The following GPC6 variants were observed in gnomAD, a reference collection of about 807,000 sequenced individuals.
GPC6 encodes glypican 6.
GPC6 carries 14 observed loss-of-function variants against 55.2 expected under a neutral mutation model. The observed-to-expected ratio is 0.25, with a 90% CI of 0.17 to 0.40. The LOEUF (loss-of-function observed/expected upper bound fraction) is 0.40. GPC6 is among the 10% of genes least tolerant of loss of function. GPC6 has a pLI of 1.00. For synonymous variants in GPC6, 278 were observed against 259.6 expected (o/e 1.07, Z -0.68); for missense variants, 641 against 708.5 (o/e 0.90, Z 1.08).
intron 2 of GPC6, among the ~76,000 whole-genome samples, chr13:93,748,007 A>G (rs1329757890): frequency 6.6e-6 from 1 of 152,196 alleles, no homozygotes; most frequent in South Asian, 2.1e-4. Context: ...TGTAAAAACA[A>G]AAATGTTTTA....
intron 4 of GPC6, among the ~76,000 whole-genome samples, chr13:94,044,109 T>A (rs1883638128): frequency 6.6e-6 from 1 of 151,776 alleles, no homozygotes; most frequent in Admixed American, 6.6e-5. Flanking sequence ...TTATCCATAC[T>A]AACTTAGGGC....
Position 93,499,816 on chromosome 13 carries a change from C to G in GPC6, c.161-45447C>G, listed in dbSNP as rs117009332. ...TAGATTTGTTGATGTTTGACTGTGACAGCCACGAGTTGCCTTTCTTGTGTT... is the reference window on the plus strand; with the variant it reads ...TAGATTTGTTGATGTTTGACTGTGAGAGCCACGAGTTGCCTTTCTTGTGTT... On this transcript the variant is annotated intron_variant, in intron 1 of 8. Transcript: ENST00000377047. Among the ~76,000 whole-genome samples, 110 of 152,280 alleles carry G rather than the reference C, an allele frequency of 7.2e-4. 1 individual carries two copies. In the East Asian group the frequency reaches 0.02, roughly 28 times the overall value.
intron 2 of GPC6, among the ~76,000 whole-genome samples, chr13:93,641,322 G>T (rs1473905335): frequency 2.6e-5 from 4 of 152,000 alleles, no homozygotes; most frequent in Admixed American, 1.3e-4. Flanking sequence ...ATAGGATTCA[G>T]TTAACCATTG....
rs1170751111 is a variant in GPC6 at position 93,744,176 on chromosome 13, C to T, written c.320-85978C>T. On this transcript the variant is annotated intron_variant, in intron 2 of 8. Transcript: ENST00000377047. Reference sequence around the variant, plus strand: ...TTGATTTTCCTCTCCCGGCGGTTAACATTGTTGACCTTTCCACATGGGAGG... The same window carrying T: ...TTGATTTTCCTCTCCCGGCGGTTAATATTGTTGACCTTTCCACATGGGAGG... 4.6e-5 allele frequency among the ~76,000 whole-genome samples: 7 copies of T among 152,248 alleles called. No individual in the cohort carries two copies. The East Asian group carries it at 1.4e-3, about 29-fold the overall frequency.
chr13:94,385,147 G>A (rs2139210920), intron 7 of GPC6, among the ~76,000 whole-genome samples: 1 of 152,190 alleles, frequency 6.6e-6, no homozygotes, highest in South Asian at 2.1e-4. Context: ...AGCTAAGGCA[G>A]GAGAATCGCT....
chr13:94,032,393 AT>A (rs1883176575), intron 4 of GPC6, among the ~76,000 whole-genome samples: 1 of 152,214 alleles, frequency 6.6e-6, no homozygotes, highest in South Asian at 2.1e-4. Flanking sequence ...TAAGTGTAGA[AT>A]AAAATAGCAA....
chr13:93,409,209 T>G (rs1876403944), intron 1 of GPC6, among the ~76,000 whole-genome samples: 1 of 151,692 alleles, frequency 6.6e-6, no homozygotes, highest in African/African-American at 2.4e-5. Context: ...CGGTATATAG[T>G]TGTCACGTAT....
chr13:94,372,640 G>C (rs1487305033), intron 6 of GPC6, among the ~76,000 whole-genome samples: 1 of 152,138 alleles, frequency 6.6e-6, no homozygotes, highest in African/African-American at 2.4e-5. Context: ...CTGGGGGAGG[G>C]GCGCCCGCCA....
At chr13:93,905,184 A>G (rs1030642217) in intron 3 of GPC6, among the ~76,000 whole-genome samples, 1 of 151,424 alleles carries the variant, frequency 6.6e-6, no homozygotes, top group South Asian at 2.1e-4. Flanking sequence ...ATTTATTTAG[A>G]AACTGCATTG....
intron 2 of GPC6, among the ~76,000 whole-genome samples, chr13:93,810,715 T>C (rs1886670414): frequency 6.6e-6 from 1 of 152,238 alleles, no homozygotes; most frequent in Non-Finnish European, 1.5e-5. Flanking sequence ...GTGTGCAATA[T>C]TAAGTATTGT....
chr13:93,342,377 A>G (rs1249199797), intron 1 of GPC6, among the ~76,000 whole-genome samples: 1 of 152,192 alleles, frequency 6.6e-6, no homozygotes, highest in Non-Finnish European at 1.5e-5. Context: ...GCAGAAGGTG[A>G]AGGAGGAGCA....
chr13:93,242,009 C>A (rs186384083), intron 1 of GPC6, among the ~76,000 whole-genome samples: 54 of 152,218 alleles, frequency 3.5e-4, no homozygotes, highest in Middle Eastern at 3.4e-3. Context: ...GTGAATAGGG[C>A]CACTGTCTCC....
intron 2 of GPC6, among the ~76,000 whole-genome samples, chr13:93,811,348 G>C (rs954214614): frequency 2.0e-5 from 3 of 152,208 alleles, no homozygotes; most frequent in African/African-American, 7.2e-5. Flanking sequence ...CTTTGACAGA[G>C]TGATTGATCT....
At chr13:93,457,577 C>T (rs991472804) in intron 1 of GPC6, among the ~76,000 whole-genome samples, 2 of 152,106 alleles carry the variant, frequency 1.3e-5, no homozygotes, top group Non-Finnish European at 2.9e-5. Context: ...GTTGAGCCTT[C>T]ATGTAGCATC....
intron 4 of GPC6, among the ~76,000 whole-genome samples, chr13:94,226,084 G>T (rs1890547819): frequency 6.6e-6 from 1 of 152,104 alleles, no homozygotes; most frequent in South Asian, 2.1e-4. Context: ...CTGCCACTCT[G>T]CATTTTTGCT....
At chr13:94,229,512 A>G (rs1890656783) in intron 4 of GPC6, among the ~76,000 whole-genome samples, 1 of 152,216 alleles carries the variant, frequency 6.6e-6, no homozygotes, top group East Asian at 1.9e-4. Context: ...GAAAGAAACT[A>G]CAGAAGCCAA....
At chr13:93,456,702 GTAAGGAA>G (rs956647537) in intron 1 of GPC6, among the ~76,000 whole-genome samples, 1 of 152,058 alleles carries the variant, frequency 6.6e-6, no homozygotes, top group Non-Finnish European at 1.5e-5. Flanking sequence ...GAATAGAGAC[GTAAGGAA>G]TAAGGAATAA....
chr13:93,771,943 T>G (rs4612931), intron 2 of GPC6, among the ~76,000 whole-genome samples: 12,657 of 152,222 alleles, frequency 0.083, 838 homozygotes, highest in East Asian at 0.3. Flanking sequence ...AGATTAGCAC[T>G]GTGGTGGGAG....
intron 6 of GPC6, among the ~76,000 whole-genome samples, chr13:94,328,523 G>A (rs541680652): frequency 9.2e-5 from 14 of 152,154 alleles, no homozygotes; most frequent in South Asian, 4.1e-4. Context: ...CTGTCCTGTC[G>A]TTGGTCTCAC....
Sources: gnomAD v4.1 joint callset for allele counts (sites outside exome capture counted in the v4.1 genomes callset) on GRCh38, gnomAD v4.1.1 for gene constraint, MANE v1.5 for transcripts, NCBI Gene and HGNC (gene_info 2026-07-23, HGNC 2026-07-21) for gene names.